UMAD1: variants seen among roughly 807,000 people sequenced by gnomAD.
UMAD1 encodes the protein UBAP1-MVB12-associated (UMA) domain containing 1, also known as UBAP1-MVB12-associated (UMA)-domain containing protein 1.
In UMAD1, 8 loss-of-function variants were observed where a neutral mutation model predicts 6.1. The ratio of observed to expected loss-of-function variants is 1.30; its 90% CI spans 0.76 to 2.35. The LOEUF is 2.35. Among genes scored for constraint, UMAD1 ranks in the 30% most tolerant of loss-of-function variants. The pLI is 0.00. For missense variants in UMAD1, 130 were observed against 78.4 expected (o/e 1.66, Z -2.49); for synonymous variants, 56 against 31.4 (o/e 1.78, Z -2.61).
At chr7:7,677,760 G>A (rs1468932908) in intron 2 of UMAD1, among the ~76,000 whole-genome samples, 4 of 134,328 alleles carry the variant, frequency 3.0e-5, no homozygotes, top group Non-Finnish European at 4.6e-5. Context: ...TGCAAGCTCT[G>A]CCTCCCAGGT....
At chr7:7,804,136 TCTATG>T (rs1254907567) in intron 3 of UMAD1, among the ~76,000 whole-genome samples, 1 of 152,174 alleles carries the variant, frequency 6.6e-6, no homozygotes, top group Non-Finnish European at 1.5e-5. Context: ...AAAAGTGCCT[TCTATG>T]CAAGTACCGG....
At position 7,847,098 on chromosome 7, in the gene UMAD1, AAAAAAAATATATAT is replaced by A. The variant is rs1372538873; in HGVS notation, c.157-30181_157-30168del. Among the ~76,000 whole-genome samples the A allele has an allele frequency of 4.5e-4, 21 of 46,916 alleles. 1 individual carries two copies. The highest frequency in any genetic ancestry group is 1.9e-3 in the Admixed American group (8 of 4,316). 30.8% of individuals were successfully genotyped at this position (46,916 alleles called of 152,430 possible). A position where few individuals can be genotyped will look rare whatever the true frequency, so the allele number is the denominator to read the frequency against. On this transcript the variant is annotated intron_variant, in intron 3 of 3. Transcript: ENST00000682710. ...AAAAGACAGCAATGCAAAAAAAAAAAAAAAAAATATATATATATATATATATATATATATATATA... is the reference window on the plus strand; with the variant it reads ...AAAAGACAGCAATGCAAAAAAAAAAAATATATATATATATATATATATATA...
chr7:7,644,902 T>G (rs1274462798), intron 1 of UMAD1, among the ~76,000 whole-genome samples: 1 of 152,236 alleles, frequency 6.6e-6, no homozygotes, highest in East Asian at 1.9e-4. Flanking sequence ...TGGATGTATT[T>G]CAGGAAAAGT....
chr7:7,670,552 A>G (rs987364991), intron 1 of UMAD1, among the ~76,000 whole-genome samples: 15 of 152,116 alleles, frequency 9.9e-5, no homozygotes, highest in South Asian at 4.1e-4. Context: ...TCTCTCTACT[A>G]CTATAGGCAA....
chr7:7,819,644 T>G (rs1479173217), intron 3 of UMAD1, among the ~76,000 whole-genome samples: 2 of 152,202 alleles, frequency 1.3e-5, no homozygotes, highest in Non-Finnish European at 2.9e-5. Flanking sequence ...ACAAAAATAG[T>G]TTTAGTTTTG....
At chr7:7,833,758 A>T (rs1348592309) in intron 3 of UMAD1, among the ~76,000 whole-genome samples, 1 of 152,180 alleles carries the variant, frequency 6.6e-6, no homozygotes, top group African/African-American at 2.4e-5. Flanking sequence ...ACAAAACCAT[A>T]GTTCTATGTA....
chr7:7,744,530 G>A (rs1781532343), intron 2 of UMAD1, among the ~76,000 whole-genome samples: 1 of 151,352 alleles, frequency 6.6e-6, no homozygotes, highest in Admixed American at 6.6e-5. Context: ...CCATTTCATA[G>A]TCCCAACCAG....
In UMAD1 at chr7:7,714,297, T is replaced by A. The variant is rs374009491; in HGVS notation, c.82+40844T>A. 5.9e-5 allele frequency among the ~76,000 whole-genome samples: 9 copies of A among 152,366 alleles called. No homozygotes were observed. The East Asian group carries it at 1.5e-3, about 26-fold the overall frequency. ...CCTTGGATGTTGACAGCATCTAGTT[T>A]ATTCTCTGATGAGCAGACTTTCTTT... On this transcript the variant is annotated intron_variant, in intron 2 of 3. Coordinates refer to ENST00000682710, the MANE Select transcript of UMAD1 (RefSeq NM_001302348.2).
intron 3 of UMAD1, among the ~76,000 whole-genome samples, chr7:7,874,128 T>C (rs1290153375): frequency 6.6e-6 from 1 of 152,202 alleles, no homozygotes; most frequent in Non-Finnish European, 1.5e-5. Context: ...GGCCAAGAGC[T>C]TTGGCTTTAT....
chr7:7,829,192 T>C (rs1396749406), intron 3 of UMAD1, among the ~76,000 whole-genome samples: 3 of 152,208 alleles, frequency 2.0e-5, no homozygotes, highest in Non-Finnish European at 4.4e-5. Context: ...AATTTGGTGA[T>C]AAGGATAAAT....
At chr7:7,669,600 T>C (rs1424725910) in intron 1 of UMAD1, among the ~76,000 whole-genome samples, 19 of 152,140 alleles carry the variant, frequency 1.2e-4, no homozygotes, top group Admixed American at 1.2e-3. Context: ...GTGGCATGAG[T>C]CTTTAGCATC....
At chr7:7,739,458 TG>T (rs1334341035) in intron 2 of UMAD1, among the ~76,000 whole-genome samples, 2 of 152,184 alleles carry the variant, frequency 1.3e-5, no homozygotes, top group Non-Finnish European at 2.9e-5. Context: ...GCTTAACAAG[TG>T]GTTTTTTGAA....
At chr7:7,793,480 G>A (rs905938344) in intron 2 of UMAD1, among the ~76,000 whole-genome samples, 1 of 152,234 alleles carries the variant, frequency 6.6e-6, no homozygotes, top group Non-Finnish European at 1.5e-5. Context: ...CATTTTAAAA[G>A]CGAGCTCATT....
chr7:7,711,295 T>C (rs1053681921), intron 2 of UMAD1, among the ~76,000 whole-genome samples: 4 of 152,226 alleles, frequency 2.6e-5, no homozygotes, highest in Non-Finnish European at 4.4e-5. Context: ...ATGATGCTGT[T>C]ACAAACATCC....
chr7:7,701,441 C>T (rs1055599977), intron 2 of UMAD1, among the ~76,000 whole-genome samples: 1 of 152,322 alleles, frequency 6.6e-6, no homozygotes, highest in Admixed American at 6.5e-5. Context: ...AACTGTCCTG[C>T]TCAACTTCAT....
At chr7:7,656,795 G>T (rs960905941) in intron 1 of UMAD1, among the ~76,000 whole-genome samples, 1 of 152,080 alleles carries the variant, frequency 6.6e-6, no homozygotes, top group Non-Finnish European at 1.5e-5. Context: ...GTGTCTTTAT[G>T]GTAGAATGAT....
chr7:7,852,793 A>G (rs1783943124), intron 3 of UMAD1, among the ~76,000 whole-genome samples: 1 of 152,224 alleles, frequency 6.6e-6, no homozygotes, highest in Non-Finnish European at 1.5e-5. Flanking sequence ...TTATGCAGAC[A>G]TCCTTGGATA....
intron 2 of UMAD1, among the ~76,000 whole-genome samples, chr7:7,720,332 C>T (rs1195851759): frequency 4.6e-5 from 7 of 152,126 alleles, no homozygotes; most frequent in Non-Finnish European, 1.0e-4. Flanking sequence ...AGCAGAATGA[C>T]TTTGGCTGCT....
intron 3 of UMAD1, among the ~76,000 whole-genome samples, chr7:7,802,363 C>G (rs75058896): frequency 2.4e-4 from 33 of 139,490 alleles, no homozygotes; most frequent in African/African-American, 9.5e-4. Flanking sequence ...GGCGACAGAG[C>G]GAGACTCCGT....
Sources: allele counts gnomAD v4.1 joint callset (sites outside exome capture counted in the v4.1 genomes callset), GRCh38; gene constraint gnomAD v4.1.1; transcripts MANE v1.5; gene names NCBI Gene and HGNC (gene_info 2026-07-23, HGNC 2026-07-21).